The following WDR89 variants were observed in gnomAD, a reference collection of about 807,000 sequenced individuals.
WDR89 encodes WD repeat-containing protein 89.
A neutral mutation model predicts 29.1 loss-of-function variants in WDR89; 17 were observed. That is an observed-to-expected ratio of 0.58 (90% CI 0.40 to 0.88). The LOEUF is 0.88. Ranked by LOEUF, WDR89 falls within the 40% of genes least tolerant of loss-of-function variation. The pLI, the probability that WDR89 is intolerant of heterozygous loss-of-function variation, is 0.00. For missense variants in WDR89, 396 were observed against 456.3 expected, an observed-to-expected ratio of 0.87 and a Z score of 1.20; for synonymous variants, 138 against 157.8, an observed-to-expected ratio of 0.87 and a Z score of 0.94.
intron 2 of WDR89, among the ~76,000 whole-genome samples, chr14:63,623,809 G>A (rs1882866254): frequency 1.3e-5 from 2 of 151,716 alleles, no homozygotes; most frequent in Admixed American, 6.6e-5. Context: ...CAGGATGGGG[G>A]TGGTGGGGAG....
chr14:63,636,565 G>C (rs1883752631), intron 1 of WDR89, among the ~76,000 whole-genome samples: 1 of 152,118 alleles, frequency 6.6e-6, no homozygotes, highest in Non-Finnish European at 1.5e-5. Flanking sequence ...TATAAAAATA[G>C]GCACACAGAC....
In WDR89 at chr14:63,613,378, T is replaced by C. The variant is rs1882109402; in HGVS notation, c.-32+11550A>G. 4.6e-5 allele frequency among the ~76,000 whole-genome samples: 7 copies of C among 152,338 alleles called. 1 individual carries two copies. The South Asian group carries it at 1.4e-3, about 32-fold the overall frequency. On this transcript the variant is annotated intron_variant, in intron 2 of 2. Transcript: ENST00000620954. The stretch of plus-strand genomic sequence containing the variant: ...GATTCCAACCTCTTAATGTTATTCA[T>C]TGTTTTAAAAAACTTAAAGTAAATT...
chr14:63,637,302 G>A (rs1460943982), intron 1 of WDR89, among the ~76,000 whole-genome samples: 1 of 152,166 alleles, frequency 6.6e-6, no homozygotes, highest in Non-Finnish European at 1.5e-5. Context: ...GAACACTTCC[G>A]CACTGCTGGT....
Position 63,599,692 on chromosome 14 carries a change from C to T in WDR89, c.251G>A (p.Ser84Asn), listed in dbSNP as rs1894964171. The T allele has an allele frequency of 6.2e-7, 1 of 1,614,202 alleles. No individual in the cohort carries two copies. The highest frequency in any genetic ancestry group is 8.5e-7 in the Non-Finnish European group (1 of 1,180,014). The change falls in exon 3 of 3, where the codon AGT (serine) becomes AAT (asparagine). Residue 84 changes from serine (S) to asparagine (N), a missense_variant. Transcript: ENST00000620954. ...NGVRFANSCD[S>N]VYSACTDGTV... ...GCCATCAGTACATGCTGAATATACA[C>T]TGTCACAGGAATTTGCAAATCTGAC...
chr14:63,609,616 C>T (rs1045275964), intron 2 of WDR89, among the ~76,000 whole-genome samples: 3 of 151,992 alleles, frequency 2.0e-5, no homozygotes, highest in African/African-American at 7.2e-5. Flanking sequence ...ATGGTGAAAT[C>T]CTCTCTCTAC....
intron 1 of WDR89, among the ~76,000 whole-genome samples, 179 bp downstream of exon 1, chr14:63,641,625 C>G (rs1335876670): frequency 6.6e-6 from 1 of 152,260 alleles, no homozygotes; most frequent in East Asian, 1.9e-4. Context: ...CCTGGTGGCT[C>G]CGACGGCGGA....
At chr14:63,619,481 C>T (rs1287640153) in intron 2 of WDR89, among the ~76,000 whole-genome samples, 1 of 151,892 alleles carries the variant, frequency 6.6e-6, no homozygotes. Context: ...AGGCAAAAAA[C>T]AGAAAAAAAC....
chr14:63,636,060 T>C (rs1031762389), intron 1 of WDR89, among the ~76,000 whole-genome samples: 1 of 151,856 alleles, frequency 6.6e-6, no homozygotes, highest in African/African-American at 2.4e-5. Flanking sequence ...TACAAAAAAA[T>C]CAGTCAGGCG....
At chr14:63,625,864 T>A (rs1883003655) in intron 1 of WDR89, among the ~76,000 whole-genome samples, 1 of 152,050 alleles carries the variant, frequency 6.6e-6, no homozygotes, top group Non-Finnish European at 1.5e-5. Flanking sequence ...GAGGACTTTT[T>A]TTTTTTTTTT....
At chr14:63,613,622 C>T (rs899370895) in intron 2 of WDR89, among the ~76,000 whole-genome samples, 3 of 151,418 alleles carry the variant, frequency 2.0e-5, no homozygotes, top group African/African-American at 7.3e-5. Context: ...TCTGCCTCAG[C>T]CTCCCGAGTG....
chr14:63,606,484 C>T (rs1268498020), intron 2 of WDR89, among the ~76,000 whole-genome samples: 1 of 152,080 alleles, frequency 6.6e-6, no homozygotes, highest in African/African-American at 2.4e-5. Context: ...TTTTATTATA[C>T]CTTTTTATGT....
At chr14:63,616,234 C>T (rs1198714945) in intron 2 of WDR89, among the ~76,000 whole-genome samples, 4 of 151,848 alleles carry the variant, frequency 2.6e-5, no homozygotes, top group South Asian at 2.1e-4. Context: ...ACTGCACTCC[C>T]GCCTGGGTGA....
At chr14:63,635,228 A>T (rs1274777483) in intron 1 of WDR89, among the ~76,000 whole-genome samples, 1 of 152,188 alleles carries the variant, frequency 6.6e-6, no homozygotes, top group Admixed American at 6.5e-5. Flanking sequence ...TAAGATCCTT[A>T]ACAAAATACT....
At chr14:63,621,886 A>C (rs1882715403) in intron 2 of WDR89, 1 of 152,208 alleles carries the variant, frequency 6.6e-6, no homozygotes, top group Admixed American at 6.6e-5. Context: ...GACAAACAAG[A>C]AATACGATCA....
At chr14:63,601,952 C>G (rs537072813) in intron 2 of WDR89, 1 of 416,536 alleles carries the variant, frequency 2.4e-6, no homozygotes. Context: ...AAAATAAATT[C>G]TTCTATTGTG....
In WDR89 at chr14:63,606,125, T is replaced by G. The variant is rs138962238; in HGVS notation, c.-31-6152A>C. On this transcript the variant is annotated intron_variant, in intron 2 of 2. Transcript: ENST00000620954. ...ACCACATCCAGCTAATTTTTGTATT[T>G]TTGGTAGAGACAGGGTCTCACTATT... Among the ~76,000 whole-genome samples, 977 of 152,236 alleles carry G rather than the reference T, an allele frequency of 6.4e-3. 12 individuals carry two copies. Among genetic ancestry groups the G allele is most frequent in the African/African-American group, 0.022 (923 of 41,548 alleles).
At chr14:63,609,570 C>A (rs991618059) in intron 2 of WDR89, among the ~76,000 whole-genome samples, 9 of 152,096 alleles carry the variant, frequency 5.9e-5, no homozygotes, top group Non-Finnish European at 1.0e-4. Context: ...GGGCGGATCA[C>A]CTGAGCCTCA....
At chr14:63,615,049 G>A (rs1882221316) in intron 2 of WDR89, among the ~76,000 whole-genome samples, 1 of 152,178 alleles carries the variant, frequency 6.6e-6, no homozygotes, top group Non-Finnish European at 1.5e-5. Flanking sequence ...AAAAGGGGGA[G>A]GACTGGGAGG....
chr14:63,633,527 T>G (rs1883538961), intron 1 of WDR89, among the ~76,000 whole-genome samples: 1 of 152,210 alleles, frequency 6.6e-6, no homozygotes, highest in African/African-American at 2.4e-5. Context: ...GTTTTGCATT[T>G]TGAGGTTGAT....
Sources: gnomAD v4.1 joint callset for allele counts (sites outside exome capture counted in the v4.1 genomes callset) on GRCh38, gnomAD v4.1.1 for gene constraint, MANE v1.5 for transcripts, NCBI Gene and HGNC (gene_info 2026-07-23, HGNC 2026-07-21) for gene names.